The following FYCO1 variants were observed in gnomAD, a reference collection of about 807,000 sequenced individuals.
FYCO1 encodes the protein FYVE and coiled-coil domain-containing protein 1.
FYCO1 carries 122 observed loss-of-function variants against 165.1 expected under a neutral mutation model. The observed-to-expected ratio is 0.74, with a 90% CI of 0.64 to 0.86. The LOEUF is 0.86. FYCO1 is among the 40% of genes least tolerant of loss of function. The pLI is 0.00. For missense variants in FYCO1, 1,702 were observed against 1,810.3 expected (o/e 0.94, Z 1.09); for synonymous variants, 648 against 742.5 (o/e 0.87, Z 2.07).
At position 45,965,931 on chromosome 3, in the gene FYCO1, C is replaced by T. The variant is rs148968543; in HGVS notation, c.3057+346G>A. ...CCACAGGGCGGGGGCAAGGTGAGGACGCAGGCTTTCAAAAGCCCTCAAACT... is the reference window on the plus strand; with the variant it reads ...CCACAGGGCGGGGGCAAGGTGAGGATGCAGGCTTTCAAAAGCCCTCAAACT... On this transcript the variant is annotated intron_variant, in intron 8 of 17. Coordinates refer to ENST00000296137, the MANE Select transcript of FYCO1 (RefSeq NM_024513.4). Among the ~76,000 whole-genome samples, 12 of 152,342 alleles carry T rather than the reference C, an allele frequency of 7.9e-5. No homozygotes were observed. The South Asian group carries it at 8.3e-4, about 11-fold the overall frequency.
At chr3:45,948,554 G>A (rs1704789280) in intron 14 of FYCO1, among the ~76,000 whole-genome samples, 1 of 152,326 alleles carries the variant, frequency 6.6e-6, no homozygotes, top group East Asian at 1.9e-4. Flanking sequence ...GGGCACATTT[G>A]TTTAACTTCC....
At chr3:45,935,675 T>C (rs1250459855) in intron 15 of FYCO1, among the ~76,000 whole-genome samples, 1 of 152,252 alleles carries the variant, frequency 6.6e-6, no homozygotes, top group African/African-American at 2.4e-5. Flanking sequence ...TTTATCTTTT[T>C]CCATAGCAAG....
chr3:45,952,881 T>C (rs1370316293), intron 14 of FYCO1, among the ~76,000 whole-genome samples: 2 of 152,118 alleles, frequency 1.3e-5, no homozygotes, highest in Non-Finnish European at 2.9e-5. Context: ...GAGTGTGGCT[T>C]AGTGCTAGTG....
At chr3:45,958,129 T>C (rs757446849) in intron 13 of FYCO1, among the ~76,000 whole-genome samples, 2 of 152,154 alleles carry the variant, frequency 1.3e-5, no homozygotes, top group Non-Finnish European at 2.9e-5. Flanking sequence ...CTCCAAAGCA[T>C]GGGGTGTATT....
At chr3:45,939,807 T>C (rs1419117049) in intron 14 of FYCO1, among the ~76,000 whole-genome samples, 1 of 152,220 alleles carries the variant, frequency 6.6e-6, no homozygotes, top group African/African-American at 2.4e-5. Flanking sequence ...TTCAATACAG[T>C]AGCCACTAGC....
chr3:45,994,778 C>T (rs1268711674), intron 1 of FYCO1, among the ~76,000 whole-genome samples: 1 of 152,152 alleles, frequency 6.6e-6, no homozygotes, highest in African/African-American at 2.4e-5. Flanking sequence ...GCCCTGGATC[C>T]TCTGCCCCGC....
rs141741129 is a variant in FYCO1, at chr3:45,976,679, T to C, written c.289-1334A>G. ...TTCAAATTTTAATTCCAACACTATA[T>C]TGAGTCAGGAAATATTGGCATTAAA... On this transcript the variant is annotated intron_variant, in intron 4 of 17. Coordinates refer to ENST00000296137, the MANE Select transcript of FYCO1 (RefSeq NM_024513.4). 3.5e-3 allele frequency among the ~76,000 whole-genome samples: 539 copies of C among 152,336 alleles called. 2 individuals carry two copies. The highest frequency in any genetic ancestry group is 0.012 in the African/African-American group (511 of 41,584).
At chr3:45,952,172 C>T (rs1705070006) in intron 14 of FYCO1, among the ~76,000 whole-genome samples, 1 of 152,224 alleles carries the variant, frequency 6.6e-6, no homozygotes, top group South Asian at 2.1e-4. Context: ...GCAGCTGGTG[C>T]AAGGGAGGCG....
At chr3:45,959,999 A>G (rs1705597028) in intron 11 of FYCO1, among the ~76,000 whole-genome samples, 3 of 152,200 alleles carry the variant, frequency 2.0e-5, no homozygotes, top group Admixed American at 2.0e-4. Context: ...TAATCAGTGG[A>G]GAAGATCAAA....
intron 16 of FYCO1, among the ~76,000 whole-genome samples, chr3:45,926,804 A>G (rs1703339818): frequency 6.6e-6 from 1 of 152,186 alleles, no homozygotes; most frequent in South Asian, 2.1e-4. Flanking sequence ...ATCTCTAATA[A>G]AAATACAAAA....
In FYCO1 at chr3:45,958,625, A is replaced by G. The variant is rs1347317985; in HGVS notation, c.3588-6T>C. The G allele has an allele frequency of 6.2e-7, 1 of 1,613,790 alleles. No homozygotes were observed. The highest frequency in any genetic ancestry group is 8.5e-7 in the Non-Finnish European group (1 of 1,179,770). On this transcript the variant is annotated splice_polypyrimidine_tract_variant and splice_region_variant and intron_variant, in intron 12 of 17. Coordinates refer to ENST00000296137, the MANE Select transcript of FYCO1 (RefSeq NM_024513.4). The stretch of plus-strand genomic sequence containing the variant: ...AGAAGATGCGGCCACATATCCTGGG[A>G]ACAAAACAAGCCCAGGCTGTGAGGA...
rs556317908 is a variant in FYCO1 at position 45,946,036 on chromosome 3, G to A, written c.3944+9213C>T. 19 of 162,434 alleles carry A rather than the reference G, an allele frequency of 1.2e-4. No individual in the cohort carries two copies. The South Asian group carries it at 3.1e-3, about 26-fold the overall frequency. The allele number at this position is 162,434 out of a possible 1,614,324, so 10.1% of individuals were successfully genotyped here. A position where few individuals can be genotyped will look rare whatever the true frequency, so the allele number is the denominator to read the frequency against. On this transcript the variant is annotated intron_variant, in intron 14 of 17. Coordinates refer to ENST00000296137, the MANE Select transcript of FYCO1 (RefSeq NM_024513.4). ...CAGGATGGGTGGGCAACTGTGGTGAGGCAGGGGGAGATGAAAACAGGCATG... is the reference window on the plus strand; with the variant it reads ...CAGGATGGGTGGGCAACTGTGGTGAAGCAGGGGGAGATGAAAACAGGCATG...
intron 14 of FYCO1, among the ~76,000 whole-genome samples, chr3:45,942,875 A>C (rs564980769): frequency 6.6e-6 from 1 of 152,300 alleles, no homozygotes; most frequent in African/African-American, 2.4e-5. Flanking sequence ...GGGCTGCACC[A>C]GGCCCTCTGG....
chr3:45,933,122 A>G (rs1703710964), intron 15 of FYCO1, among the ~76,000 whole-genome samples: 1 of 152,230 alleles, frequency 6.6e-6, no homozygotes. Flanking sequence ...AGATCTTAAC[A>G]AAAACAAATC....
chr3:45,937,055 G>A (rs1241654596), intron 14 of FYCO1, among the ~76,000 whole-genome samples: 2 of 152,110 alleles, frequency 1.3e-5, no homozygotes, highest in African/African-American at 4.8e-5. Flanking sequence ...CACTGATGGG[G>A]ACACAGAGGC....
chr3:45,968,791 G>C (rs1433240190), intron 7 of FYCO1, 88 bp from the exon 8 acceptor site: 19 of 1,507,280 alleles, frequency 1.3e-5, no homozygotes, highest in Non-Finnish European at 1.6e-5. Flanking sequence ...GAGAGCAGAG[G>C]TAAAAATACA....
intron 7 of FYCO1, 32 bp downstream of exon 7, chr3:45,969,643 A>C (rs1706305363): frequency 6.4e-7 from 1 of 1,554,398 alleles, no homozygotes. Context: ...TAGAAGCTAT[A>C]GGAAGATAAT....
At chr3:45,923,423 A>T (rs1164022768) in intron 17 of FYCO1, among the ~76,000 whole-genome samples, 2 of 152,166 alleles carry the variant, frequency 1.3e-5, no homozygotes, top group Non-Finnish European at 2.9e-5. Context: ...GTGACTTAGG[A>T]GTGTCACTCC....
chr3:45,947,469 G>A, intron 14 of FYCO1: 1 of 1,614,194 alleles, frequency 6.2e-7, no homozygotes, highest in Non-Finnish European at 8.5e-7. Context: ...GACTTTTTCT[G>A]CCTCCCACAA....
Sources: allele counts gnomAD v4.1 joint callset (sites outside exome capture counted in the v4.1 genomes callset), GRCh38; gene constraint gnomAD v4.1.1; transcripts MANE v1.5; gene names NCBI Gene and HGNC (gene_info 2026-07-23, HGNC 2026-07-21).